The following ZNF516 variants were observed in gnomAD, a reference collection of about 807,000 sequenced individuals.
The protein encoded by ZNF516 is zinc finger protein 516.
In ZNF516, 19 loss-of-function variants were observed where a neutral mutation model predicts 79.7. That is an observed-to-expected ratio of 0.24 (90% CI 0.17 to 0.35). The LOEUF (loss-of-function observed/expected upper bound fraction) is 0.35. ZNF516 is among the 10% of genes least tolerant of loss of function. ZNF516 has a pLI of 1.00. For synonymous variants in ZNF516, 877 were observed against 739.5 expected (o/e 1.19, Z -3.02); for missense variants, 1,678 against 1,679.5 (o/e 1.00, Z 0.02).
At chr18:76,362,682 G>T in intron 6 of ZNF516, 125 bp from the exon 7 acceptor site, 1 of 942,506 alleles carries the variant, frequency 1.1e-6, no homozygotes, top group Non-Finnish European at 1.6e-6. Context: ...CACAAAGCAA[G>T]CCAACCAAGT....
chr18:76,454,632 T>G (rs1599116810), intron 2 of ZNF516, among the ~76,000 whole-genome samples: 1 of 152,248 alleles, frequency 6.6e-6, no homozygotes, highest in Non-Finnish European at 1.5e-5. Flanking sequence ...GAGCAATTCC[T>G]GACAAAAACA....
In ZNF516 at chr18:76,464,665, C is replaced by T. The variant is rs573979017; in HGVS notation, c.-271-1524G>A. Among the ~76,000 whole-genome samples the T allele has an allele frequency of 6.0e-3, 822 of 137,198 alleles. 5 individuals are homozygous for T. Among genetic ancestry groups the T allele is most frequent in the Admixed American group, 0.01 (134 of 13,380 alleles). The allele number at this position is 137,198 out of a possible 152,430, so 90.0% of individuals were successfully genotyped here. ...GCACCCCCAGCCTTGTCATTTCAGA[C>T]GGGGACAGTGGCCTCCTGGACTTGC... On this transcript the variant is annotated intron_variant, in intron 1 of 6. Coordinates refer to ENST00000443185, the MANE Select transcript of ZNF516 (RefSeq NM_014643.4).
chr18:76,375,535 G>A (rs1335341050), intron 4 of ZNF516, among the ~76,000 whole-genome samples: 2 of 151,214 alleles, frequency 1.3e-5, no homozygotes, highest in East Asian at 2.0e-4. Flanking sequence ...AGGTCCTGGA[G>A]ATCAGGTAGA....
At chr18:76,413,671 G>A (rs1336073580) in intron 3 of ZNF516, among the ~76,000 whole-genome samples, 1 of 152,124 alleles carries the variant, frequency 6.6e-6, no homozygotes, top group Non-Finnish European at 1.5e-5. Context: ...TCCTCCCACC[G>A]GAACTGATTT....
chr18:76,483,288 G>A (rs1914634445), intron 1 of ZNF516, among the ~76,000 whole-genome samples: 3 of 152,168 alleles, frequency 2.0e-5, no homozygotes, highest in Admixed American at 2.0e-4. Flanking sequence ...CCATTGGAAA[G>A]AAAGGAGGAG....
chr18:76,446,377 C>T (rs1390958727), intron 2 of ZNF516, among the ~76,000 whole-genome samples: 2 of 152,176 alleles, frequency 1.3e-5, no homozygotes, highest in African/African-American at 4.8e-5. Flanking sequence ...CACTCTCGCT[C>T]GTGGATCACC....
chr18:76,452,144 A>C (rs754776331), intron 2 of ZNF516, among the ~76,000 whole-genome samples: 2 of 152,208 alleles, frequency 1.3e-5, no homozygotes, highest in Non-Finnish European at 2.9e-5. Flanking sequence ...AAAAGGACAC[A>C]AAACGCCACT....
chr18:76,378,550 G>A (rs1006853830), intron 4 of ZNF516, among the ~76,000 whole-genome samples: 14 of 152,232 alleles, frequency 9.2e-5, no homozygotes, highest in African/African-American at 3.4e-4. Flanking sequence ...TGGAGGAAAC[G>A]TCCTCTCAGC....
At chr18:76,373,092 T>A (rs605914) in intron 4 of ZNF516, among the ~76,000 whole-genome samples, 2 of 152,044 alleles carry the variant, frequency 1.3e-5, no homozygotes, top group African/African-American at 4.8e-5. Context: ...CAAGGCTGCA[T>A]TGAGTTGAGA....
At chr18:76,364,100 T>G (rs1216783173) in intron 6 of ZNF516, among the ~76,000 whole-genome samples, 1 of 152,210 alleles carries the variant, frequency 6.6e-6, no homozygotes, top group Non-Finnish European at 1.5e-5. Context: ...CGTTTTATAT[T>G]ACAGGGCTCA....
intron 1 of ZNF516, among the ~76,000 whole-genome samples, chr18:76,482,979 A>G (rs903740445): frequency 2.0e-5 from 3 of 152,238 alleles, no homozygotes; most frequent in Non-Finnish European, 4.4e-5. Context: ...GTAAATAATG[A>G]AGAGTACTCA....
intron 3 of ZNF516, among the ~76,000 whole-genome samples, chr18:76,406,747 T>C (rs543038550): frequency 4.3e-4 from 65 of 152,252 alleles, no homozygotes; most frequent in South Asian, 2.9e-3. Context: ...AAGTTCCCAA[T>C]AGTCAATAAA....
chr18:76,456,504 G>A (rs1912732464), intron 2 of ZNF516, among the ~76,000 whole-genome samples: 1 of 151,394 alleles, frequency 6.6e-6, no homozygotes, highest in African/African-American at 2.4e-5. Context: ...GGGACCCACA[G>A]CTTCAAGCTA....
At chr18:76,482,194 T>C (rs1914563005) in intron 1 of ZNF516, among the ~76,000 whole-genome samples, 1 of 152,222 alleles carries the variant, frequency 6.6e-6, no homozygotes, top group Non-Finnish European at 1.5e-5. Context: ...CTTTTTGTTT[T>C]AGGTGCCAGA....
chr18:76,385,134 A>C (rs1407736343), intron 3 of ZNF516, among the ~76,000 whole-genome samples: 7 of 152,224 alleles, frequency 4.6e-5, no homozygotes, highest in Non-Finnish European at 8.8e-5. Flanking sequence ...CACGCGTGCC[A>C]CAGACGGTGA....
At chr18:76,380,838 G>C (rs769311418) in intron 3 of ZNF516, among the ~76,000 whole-genome samples, 2 of 152,088 alleles carry the variant, frequency 1.3e-5, no homozygotes, top group Non-Finnish European at 2.9e-5. Flanking sequence ...CTGGGCTACC[G>C]ACCACCTTCC....
chr18:76,413,351 G>A (rs937059376), intron 3 of ZNF516, among the ~76,000 whole-genome samples: 3 of 152,040 alleles, frequency 2.0e-5, no homozygotes, highest in Non-Finnish European at 2.9e-5. Flanking sequence ...TCTGGCGGAC[G>A]CCAGGCTCCT....
chr18:76,397,614 T>C (rs2075164820), intron 3 of ZNF516, among the ~76,000 whole-genome samples: 2 of 152,236 alleles, frequency 1.3e-5, no homozygotes, highest in Admixed American at 6.5e-5. Flanking sequence ...TATTTTATTT[T>C]TGAGACAAGG....
chr18:76,440,786 T>A (rs904389818), intron 3 of ZNF516, among the ~76,000 whole-genome samples: 1 of 147,402 alleles, frequency 6.8e-6, no homozygotes, highest in South Asian at 2.1e-4. Context: ...ATGCATCGTA[T>A]GGTGAGAACT....
Sources: gnomAD v4.1 joint callset for allele counts (sites outside exome capture counted in the v4.1 genomes callset) on GRCh38, gnomAD v4.1.1 for gene constraint, MANE v1.5 for transcripts, NCBI Gene and HGNC (gene_info 2026-07-23, HGNC 2026-07-21) for gene names.